Variants in FHIT observed in about 807,000 individuals in gnomAD.
The protein encoded by FHIT is fragile histidine triad diadenosine triphosphatase.
Under a neutral mutation model 17.9 loss-of-function variants are expected in FHIT, and 19 were observed. The ratio of observed to expected loss-of-function variants is 1.06; its 90% CI spans 0.74 to 1.56. The LOEUF is 1.56. FHIT is among the 40% of genes most tolerant of loss of function. FHIT has a pLI of 0.00. For synonymous variants in FHIT, 81 were observed against 69.7 expected (o/e 1.16, Z -0.81); for missense variants, 248 against 189.2 (o/e 1.31, Z -1.82).
At chr3:60,737,614 T>C (rs1482805641) in intron 4 of FHIT, among the ~76,000 whole-genome samples, 33 of 152,324 alleles carry the variant, frequency 2.2e-4, no homozygotes, top group African/African-American at 7.7e-4. Context: ...GATGATAACA[T>C]TGTATTTCAG....
chr3:61,222,834 G>A (rs1247713842), intron 1 of FHIT, among the ~76,000 whole-genome samples: 2 of 152,168 alleles, frequency 1.3e-5, no homozygotes, highest in Admixed American at 6.5e-5. Context: ...CATCTGTCAC[G>A]AATTTTGATG....
chr3:59,807,979 C>T (rs533621171), intron 8 of FHIT, among the ~76,000 whole-genome samples: 2 of 152,230 alleles, frequency 1.3e-5, no homozygotes, highest in East Asian at 1.9e-4. Flanking sequence ...CGTTCAGTGG[C>T]ATTTAGTGCA....
intron 5 of FHIT, among the ~76,000 whole-genome samples, chr3:60,086,114 A>G (rs937353223): frequency 6.6e-6 from 1 of 152,202 alleles, no homozygotes; most frequent in African/African-American, 2.4e-5. Context: ...TTGTATGCAC[A>G]AATCACATGG....
chr3:60,518,721 T>C (rs1559507638), intron 5 of FHIT, among the ~76,000 whole-genome samples: 1 of 152,190 alleles, frequency 6.6e-6, no homozygotes, highest in Non-Finnish European at 1.5e-5. Flanking sequence ...ATTTCATTTA[T>C]ATGCAGGCTG....
chr3:59,805,660 CAT>C (rs1234157193), intron 8 of FHIT, among the ~76,000 whole-genome samples: 1 of 152,164 alleles, frequency 6.6e-6, no homozygotes, highest in Non-Finnish European at 1.5e-5. Context: ...TGGAATGGAA[CAT>C]TGGAAAGACT....
At chr3:61,038,032 T>C (rs2033339995) in intron 3 of FHIT, among the ~76,000 whole-genome samples, 2 of 152,160 alleles carry the variant, frequency 1.3e-5, no homozygotes, top group Non-Finnish European at 2.9e-5. Context: ...GGAAAATAAT[T>C]AACAGAATTA....
chr3:60,395,509 A>G (rs969618451), intron 5 of FHIT, among the ~76,000 whole-genome samples: 2 of 152,210 alleles, frequency 1.3e-5, no homozygotes, highest in Admixed American at 6.5e-5. Flanking sequence ...AAGGAAAGGG[A>G]ATAATCTAAG....
Position 59,922,341 on chromosome 3 carries a change from C to T in FHIT, c.348+5G>A, listed in dbSNP as rs535084814. 9 of 1,612,258 alleles carry T rather than the reference C, an allele frequency of 5.6e-6. No homozygotes were observed. Among genetic ancestry groups the T allele is most frequent in the Admixed American group, 3.3e-5 (2 of 59,998 alleles). On this transcript the variant is annotated splice_donor_5th_base_variant and intron_variant, in intron 8 of 9. Coordinates refer to ENST00000492590, the MANE Select transcript of FHIT (RefSeq NM_002012.4). ...AAACAATAAGATCAGAGAGAACAGA[C>T]CCACCTCCTCATAGATGCTGTCATT...
intron 8 of FHIT, among the ~76,000 whole-genome samples, chr3:59,764,146 C>T (rs1701674807): frequency 6.6e-6 from 1 of 152,256 alleles, no homozygotes; most frequent in African/African-American, 2.4e-5. Flanking sequence ...TAACATCAGC[C>T]CTGCCTATAA....
chr3:60,742,953 T>C (rs1384776665), intron 4 of FHIT, among the ~76,000 whole-genome samples: 4 of 152,216 alleles, frequency 2.6e-5, no homozygotes, highest in African/African-American at 9.6e-5. Flanking sequence ...TATTCATCCT[T>C]TCAAAGGTCT....
intron 8 of FHIT, among the ~76,000 whole-genome samples, chr3:59,798,296 T>C (rs754421892): frequency 1.3e-5 from 2 of 152,202 alleles, no homozygotes; most frequent in African/African-American, 2.4e-5. Context: ...GGTAGATAGA[T>C]CTTAACATGA....
intron 3 of FHIT, among the ~76,000 whole-genome samples, chr3:60,881,162 A>C (rs1553757882): frequency 6.6e-6 from 1 of 152,224 alleles, no homozygotes; most frequent in African/African-American, 2.4e-5. Flanking sequence ...GTATCAGATA[A>C]AACAGACTTT....
chr3:60,358,059 T>A (rs1699750457), intron 5 of FHIT, among the ~76,000 whole-genome samples: 1 of 152,220 alleles, frequency 6.6e-6, no homozygotes, highest in Non-Finnish European at 1.5e-5. Context: ...CAATTTGTGT[T>A]TTATTATATC....
chr3:61,017,502 A>C (rs1376697175), intron 3 of FHIT, among the ~76,000 whole-genome samples: 1 of 152,210 alleles, frequency 6.6e-6, no homozygotes, highest in Non-Finnish European at 1.5e-5. Flanking sequence ...GCCTTGTTTC[A>C]GGACAATTTT....
intron 3 of FHIT, among the ~76,000 whole-genome samples, chr3:60,972,696 C>T (rs143397475): frequency 6.6e-6 from 1 of 152,124 alleles, no homozygotes; most frequent in African/African-American, 2.4e-5. Flanking sequence ...CTCCAATTGC[C>T]TGACACAGAC....
At chr3:61,233,401 T>C (rs1259698525) in intron 1 of FHIT, among the ~76,000 whole-genome samples, 2 of 152,228 alleles carry the variant, frequency 1.3e-5, no homozygotes, top group Non-Finnish European at 2.9e-5. Flanking sequence ...CTGTAAAACA[T>C]ATACCGTAGA....
rs538833044 is a variant in FHIT at position 61,173,997 on chromosome 3, C to G, written c.-164+26620G>C. ...GAAAAAAGAACTCTTTTGATTGAAT[C>G]TTGACCTGCAGTAATTGGGAACTTA... On this transcript the variant is annotated intron_variant, in intron 2 of 9. Coordinates refer to ENST00000492590, the MANE Select transcript of FHIT (RefSeq NM_002012.4). Among the ~76,000 whole-genome samples, 229 of 152,300 alleles carry G rather than the reference C, an allele frequency of 1.5e-3. 7 individuals carry two copies. The South Asian group carries it at 0.046, about 31-fold the overall frequency.
intron 3 of FHIT, among the ~76,000 whole-genome samples, chr3:60,890,221 T>TAAAAAAAAAAAAAAAAAAAAA (rs59950717): frequency 2.2e-4 from 26 of 115,630 alleles, no homozygotes; most frequent in Non-Finnish European, 3.4e-4. Flanking sequence ...TTCCATGATG[T>TAAAAAAAAAAAAAAAAAAAAA]AAAAAAAAAA....
At chr3:60,055,874 G>T (rs556856068) in intron 5 of FHIT, among the ~76,000 whole-genome samples, 1 of 152,228 alleles carries the variant, frequency 6.6e-6, no homozygotes, top group South Asian at 2.1e-4. Flanking sequence ...AGGCAGCTTC[G>T]AAGGTACCAA....
Sources: gnomAD v4.1 joint callset for allele counts (sites outside exome capture counted in the v4.1 genomes callset) on GRCh38, gnomAD v4.1.1 for gene constraint, MANE v1.5 for transcripts, NCBI Gene and HGNC (gene_info 2026-07-23, HGNC 2026-07-21) for gene names.